Variants in TACC2 observed in about 807,000 individuals in gnomAD.
TACC2 encodes the protein transforming acidic coiled-coil-containing protein 2.
In TACC2, 137 loss-of-function variants were observed where a neutral mutation model predicts 227.3. The ratio of observed to expected loss-of-function variants is 0.60; its 90% confidence interval spans 0.52 to 0.69. TACC2 has a LOEUF of 0.69. Among genes scored for constraint, TACC2 ranks in the 30% least tolerant of loss-of-function variants. TACC2 has a pLI of 0.00. For synonymous variants in TACC2, 1,523 were observed against 1,487.5 expected (o/e 1.02, Z -0.55); for missense variants, 3,470 against 3,694.4 (o/e 0.94, Z 1.57).
Position 122,205,335 on chromosome 10 carries a change from T to C in TACC2, c.5972-5062T>C, listed in dbSNP as rs2095065253. 6.6e-6 allele frequency among the ~76,000 whole-genome samples: 1 copy of C among 152,170 alleles called. No homozygotes were observed. The highest frequency in any genetic ancestry group is 1.9e-4 in the East Asian group (1 of 5,180). On this transcript the variant is annotated intron_variant, in intron 8 of 22. Transcript: ENST00000369005. The surrounding 1 kb of genome is among the most constrained non-coding windows in gnomAD (Gnocchi z 4.5). ...GCCATGGCACGGGCCTCCTGCTCTC[T>C]TGCTGGTCGGTTTTGGGTTTGGTTT... is the stretch of plus-strand genomic sequence containing the variant.
chr10:122,155,782 TTAAAA>T (rs1426899285), intron 7 of TACC2, among the ~76,000 whole-genome samples: 1 of 152,140 alleles, frequency 6.6e-6, no homozygotes, highest in Non-Finnish European at 1.5e-5. Context: ...GAAAGGCCAC[TTAAAA>T]TGAGTCCACT....
chr10:122,163,540 G>A, intron 7 of TACC2: 1 of 988,464 alleles, frequency 1.0e-6, no homozygotes, highest in African/African-American at 1.7e-5. Context: ...GCAGGCGTTG[G>A]GGCTGCTCGG....
intron 3 of TACC2, among the ~76,000 whole-genome samples, chr10:122,074,847 G>A (rs945527128): frequency 1.4e-4 from 21 of 152,282 alleles, no homozygotes; most frequent in African/African-American, 4.6e-4. Flanking sequence ...TTCATGTCAG[G>A]TAGGACTGAA....
chr10:122,235,823 G>T (rs1209983851), intron 16 of TACC2, among the ~76,000 whole-genome samples: 2 of 152,224 alleles, frequency 1.3e-5, no homozygotes, highest in Admixed American at 1.3e-4. Context: ...GAGGGCCTGA[G>T]CCTGCCCTGT....
Position 122,155,168 on chromosome 10 carries a change from C to T in TACC2, c.5834+11462C>T, listed in dbSNP as rs187895977. On this transcript the variant is annotated intron_variant, in intron 7 of 22. Coordinates refer to ENST00000369005, the MANE Select transcript of TACC2 (RefSeq NM_206862.4). ...TTCGTCTCGGAAGCATCTCCACCAC[C>T]GGGCCACTGAGGGGAGCCCCTCCCA... 2.5e-3 allele frequency among the ~76,000 whole-genome samples: 379 copies of T among 152,346 alleles called. 2 individuals are homozygous for T. The highest frequency in any genetic ancestry group is 8.2e-3 in the African/African-American group (342 of 41,576).
chr10:122,203,549 C>A (rs2094965379), intron 8 of TACC2, among the ~76,000 whole-genome samples: 1 of 151,762 alleles, frequency 6.6e-6, no homozygotes, highest in Non-Finnish European at 1.5e-5. Context: ...ACGCTCCTCA[C>A]ATCCCGGATG....
chr10:122,119,524 C>T (rs1357083095), intron 5 of TACC2, among the ~76,000 whole-genome samples: 1 of 152,194 alleles, frequency 6.6e-6, no homozygotes, highest in Non-Finnish European at 1.5e-5. Context: ...GTTCAGCTGG[C>T]TTTGTGCTGT....
chr10:122,091,232 C>G (rs1392356974), intron 5 of TACC2, among the ~76,000 whole-genome samples: 1 of 149,964 alleles, frequency 6.7e-6, no homozygotes, highest in Non-Finnish European at 1.5e-5. Flanking sequence ...AAAATACACA[C>G]CCAATGTTGA....
intron 8 of TACC2, among the ~76,000 whole-genome samples, chr10:122,200,303 G>A (rs34908908): frequency 0.034 from 5,126 of 152,382 alleles, 119 homozygotes; most frequent in South Asian, 0.092. Context: ...CTGGAAGGAC[G>A]ATGGAGAGTT....
rs910920936 is a variant in TACC2 at position 122,254,464 on chromosome 10, GT to G, written c.*413del. On this transcript the variant is annotated 3_prime_UTR_variant, in exon 23 of 23. Coordinates refer to ENST00000369005, the MANE Select transcript of TACC2 (RefSeq NM_206862.4). ...AAACTTGATCTGCATTTGCTGATTT[GT>G]TTTTAAAAAAACAAGAAATGCATGT... The G allele has an allele frequency of 2.6e-5, 4 of 155,860 alleles. No homozygotes were observed. The highest frequency in any genetic ancestry group is 2.0e-4 in the Admixed American group (3 of 15,356). 9.7% of individuals were successfully genotyped at this position (155,860 alleles called of 1,614,324 possible).
At chr10:122,139,840 T>G (rs2090272938) in intron 6 of TACC2, among the ~76,000 whole-genome samples, 1 of 152,184 alleles carries the variant, frequency 6.6e-6, no homozygotes, top group South Asian at 2.1e-4. Flanking sequence ...GCCTGCACCT[T>G]GGGGGCTGTT....
intron 8 of TACC2, among the ~76,000 whole-genome samples, chr10:122,203,284 G>A (rs2094944619): frequency 7.0e-6 from 1 of 142,618 alleles, no homozygotes; most frequent in East Asian, 2.2e-4. Context: ...TGGCCGGGCA[G>A]AGGGGCTCCT....
chr10:122,165,025 G>A (rs2093069562), intron 7 of TACC2, among the ~76,000 whole-genome samples: 1 of 152,118 alleles, frequency 6.6e-6, no homozygotes, highest in Non-Finnish European at 1.5e-5. Context: ...GTAATGCTAG[G>A]CTGAGCCTCG....
chr10:122,143,486 G>A (rs2090946565), intron 6 of TACC2, 86 bp from the exon 7 acceptor site: 2 of 1,342,818 alleles, frequency 1.5e-6, no homozygotes, highest in South Asian at 1.3e-5. Flanking sequence ...GTGGGCGGGT[G>A]GGTTGGGTGG....
intron 5 of TACC2, among the ~76,000 whole-genome samples, chr10:122,100,254 ACT>A (rs2081985295): frequency 6.9e-6 from 1 of 145,784 alleles, no homozygotes; most frequent in Non-Finnish European, 1.5e-5. Flanking sequence ...ACAGAGCGAG[ACT>A]CTGTCTCAAA....
chr10:122,115,417 TC>T (rs2084503587), intron 5 of TACC2, among the ~76,000 whole-genome samples: 1 of 152,136 alleles, frequency 6.6e-6, no homozygotes, highest in Non-Finnish European at 1.5e-5. Context: ...TTTTGGTTGT[TC>T]CAGTGACTAG....
intron 18 of TACC2, among the ~76,000 whole-genome samples, chr10:122,238,938 A>T (rs1772357939): frequency 6.6e-6 from 1 of 152,136 alleles, no homozygotes; most frequent in African/African-American, 2.4e-5. Context: ...CATTTGTGGT[A>T]TGTTGTAATA....
In TACC2 at chr10:122,084,991, C is replaced by T; in HGVS notation, c.2491C>T (p.Gln831Ter). 6.2e-7 allele frequency: 1 copy of T among 1,614,178 alleles called. No homozygotes were observed. Among genetic ancestry groups the T allele is most frequent in the Non-Finnish European group, 8.5e-7 (1 of 1,180,030 alleles). ...CCTACTATCTTCTGAGAAGCATCTC[C>T]AGCCATCCCAGGCACAACCAGAGAC... Reference protein sequence around the residue: ...WPLLSSEKHLQPSQAQPETSI... With the variant: ...WPLLSSEKHL The change falls in exon 4 of 23, where the codon CAG becomes TAG. Residue 831 changes from glutamine (Q) to a stop codon, truncating the protein, a stop_gained. Transcript: ENST00000369005. LOFTEE classifies it high-confidence loss of function.
chr10:122,191,255 A>G (rs1158776852), intron 7 of TACC2, among the ~76,000 whole-genome samples: 1 of 152,170 alleles, frequency 6.6e-6, no homozygotes, highest in Non-Finnish European at 1.5e-5. Context: ...AGCTGGGATT[A>G]CAAGTGTGCA....
Sources: allele counts gnomAD v4.1 joint callset (sites outside exome capture counted in the v4.1 genomes callset), GRCh38; gene constraint gnomAD v4.1.1; non-coding constraint Gnocchi (gnomAD v3.1); transcripts MANE v1.5; gene names NCBI Gene and HGNC (gene_info 2026-07-23, HGNC 2026-07-21).